Variants in NEU3 observed in about 807,000 individuals in gnomAD.
NEU3 encodes neuraminidase 3, also known as sialidase-3.
NEU3 carries 10 observed loss-of-function variants against 11.4 expected under a neutral mutation model. The ratio of observed to expected loss-of-function variants is 0.88; its 90% CI spans 0.54 to 1.49. NEU3 has a LOEUF of 1.49. Ranked by LOEUF, NEU3 falls within the 40% of genes most tolerant of loss-of-function variation. The pLI is 0.00. For missense variants in NEU3, 529 were observed against 581.8 expected, an observed-to-expected ratio of 0.91 and a Z score of 0.93; for synonymous variants, 212 against 228.2, an observed-to-expected ratio of 0.93 and a Z score of 0.64.
upstream of NEU3, among the ~76,000 whole-genome samples, chr11:74,987,824 A>G (rs1191913711): frequency 1.3e-5 from 2 of 151,802 alleles, no homozygotes; most frequent in East Asian, 1.9e-4. Flanking sequence ...AAAAATAAAA[A>G]TAAAAATAAA....
intron 2 of NEU3, among the ~76,000 whole-genome samples, chr11:75,002,086 T>TGATC (rs1360360252): frequency 3.3e-5 from 5 of 152,226 alleles, no homozygotes; most frequent in African/African-American, 1.2e-4. Context: ...AACAGGGTCT[T>TGATC]GATCTGTCAC....
Position 74,989,089 on chromosome 11 carries a change from C to T in NEU3, c.29C>T (p.Pro10Leu). ...AGACCTGCGGACCTGCCCCCGCGCC[C>T]CATGGAAGAATCCCCGGCGTCCAGC... The part of the protein sequence containing the change: MRPADLPPR[P>L]MEESPASSSA... Residue 10 changes from proline to leucine, a missense_variant, in exon 1 of 3, where the codon CCC becomes CTC. Pro to Leu is a moderately conservative substitution (Grantham distance 98). Transcript: ENST00000294064. 5 of 1,550,974 alleles carry T rather than the reference C, an allele frequency of 3.2e-6. No homozygotes were observed. The highest frequency in any genetic ancestry group is 4.4e-6 in the Non-Finnish European group (5 of 1,146,938).
chr11:75,015,867 C>T (rs1293696523), downstream of NEU3, among the ~76,000 whole-genome samples: 1 of 152,180 alleles, frequency 6.6e-6, no homozygotes, highest in Non-Finnish European at 1.5e-5. Context: ...ACCTGGAATT[C>T]CTACTGATAT....
intron 3 of NEU3, among the ~76,000 whole-genome samples, chr11:75,016,175 C>G (rs936579233): frequency 6.6e-6 from 1 of 152,154 alleles, no homozygotes; most frequent in Non-Finnish European, 1.5e-5. Flanking sequence ...ATATGAGATT[C>G]AAGGGTGAAA....
intron 3 of NEU3, among the ~76,000 whole-genome samples, chr11:75,018,192 G>A (rs1285306037): frequency 6.6e-6 from 1 of 151,934 alleles, no homozygotes; most frequent in East Asian, 1.9e-4. Context: ...CTTATTGAGA[G>A]GATCTAGAAT....
At chr11:74,993,943 T>C (rs1395227514) in intron 1 of NEU3, among the ~76,000 whole-genome samples, 3 of 151,930 alleles carry the variant, frequency 2.0e-5, no homozygotes, top group African/African-American at 7.3e-5. Context: ...AGGCCCCACC[T>C]CTCAACACTG....
At chr11:74,986,728 C>T (rs1447432059), upstream of NEU3, among the ~76,000 whole-genome samples, 5 of 152,144 alleles carry the variant, frequency 3.3e-5, no homozygotes, top group African/African-American at 1.2e-4. Flanking sequence ...CTAATATTTG[C>T]TTTTGTCAGT....
chr11:74,996,464 G>A (rs1291568395), intron 2 of NEU3, among the ~76,000 whole-genome samples: 1 of 152,184 alleles, frequency 6.6e-6, no homozygotes, highest in East Asian at 1.9e-4. Context: ...TCATGAGATT[G>A]CAGCAATTTA....
intron 2 of NEU3, chr11:74,995,041 C>T (rs1254895102): frequency 1.0e-5 from 6 of 577,694 alleles, no homozygotes; most frequent in Admixed American, 3.0e-5. Flanking sequence ...CAAACTCAGT[C>T]GCTGACTCCA....
rs772221260 is a variant in NEU3 at position 75,006,448 on chromosome 11, T to C, written c.1342T>C (p.Cys448Arg). 6.2e-7 allele frequency: 1 copy of C among 1,613,882 alleles called. No individual in the cohort carries two copies. Among genetic ancestry groups the C allele is most frequent in the South Asian group, 1.1e-5 (1 of 91,074 alleles). ...REILSHLQGD[C>R]TSPGRNPSQF... Reference sequence around the variant, plus strand: ...GATCCTGAGTCACCTGCAGGGGGACTGCACCAGCCCTGGTAGGAACCCAAG... The same window carrying C: ...GATCCTGAGTCACCTGCAGGGGGACCGCACCAGCCCTGGTAGGAACCCAAG... Residue 448 changes from cysteine (C) to arginine (R), a missense_variant, in exon 3 of 3, where the codon TGC becomes CGC. By Grantham distance (180) the Cys-to-Arg change is radical (BLOSUM62 -3). Transcript: ENST00000294064.
upstream of NEU3, among the ~76,000 whole-genome samples, chr11:74,985,465 T>C (rs866989693): frequency 6.6e-6 from 1 of 152,212 alleles, no homozygotes; most frequent in Non-Finnish European, 1.5e-5. Flanking sequence ...TGGTTATTTT[T>C]TAATTTTATT....
In NEU3 at chr11:75,005,951, G is replaced by A. The variant is rs1591761538; in HGVS notation, c.845G>A (p.Arg282Lys). Reference sequence around the variant, plus strand: ...TATTGCAGTGCCCGGACACCAAACAGGTGCCGGGCAGAGGCGCTCAGCACT... The same window carrying A: ...TATTGCAGTGCCCGGACACCAAACAAGTGCCGGGCAGAGGCGCTCAGCACT... ...VLYCSARTPNRCRAEALSTDH... is the reference protein window; with the variant it reads ...VLYCSARTPNKCRAEALSTDH... Residue 282 changes from arginine (R) to lysine (K), a missense_variant, in exon 3 of 3, where the codon AGG becomes AAG. Physicochemically the swap from Arg to Lys is conservative, Grantham distance 26. Transcript: ENST00000294064. 1.2e-6 allele frequency: 2 copies of A among 1,613,810 alleles called. No homozygotes were observed. The highest frequency in any genetic ancestry group is 3.3e-5 in the Admixed American group (2 of 60,026).
At chr11:74,985,407 A>G (rs1267188811), upstream of NEU3, among the ~76,000 whole-genome samples, 1 of 152,164 alleles carries the variant, frequency 6.6e-6, no homozygotes, top group Non-Finnish European at 1.5e-5. Flanking sequence ...CTTCATACAT[A>G]TGTGTCCATT....
chr11:74,999,135 T>C (rs79014242), intron 2 of NEU3, among the ~76,000 whole-genome samples: 364 of 85,986 alleles, frequency 4.2e-3, no homozygotes, highest in African/African-American at 0.011. Flanking sequence ...AACTGTCTGT[T>C]TGTCTGTCTG....
rs1355767273 is a variant in NEU3, at chr11:75,009,042, A to G, written c.*2550A>G. 1 of 152,184 alleles carries G rather than the reference A, an allele frequency of 6.6e-6. No homozygotes were observed. Among genetic ancestry groups the G allele is most frequent in the East Asian group, 1.9e-4 (1 of 5,200 alleles). The allele number at this position is 152,184 out of a possible 1,614,324, so 9.4% of individuals were successfully genotyped here. A position where few individuals can be genotyped will look rare whatever the true frequency, so the allele number is the denominator to read the frequency against. ...AATGACTAGCATCGAAACTCTTTAA[A>G]TGGGGCAGGCCTGTGTTCTTATCTC... On this transcript the variant is annotated 3_prime_UTR_variant, in exon 3 of 3. Transcript: ENST00000294064.
downstream of NEU3, among the ~76,000 whole-genome samples, chr11:75,013,040 T>C (rs548483510): frequency 4.6e-5 from 7 of 152,330 alleles, no homozygotes; most frequent in South Asian, 1.5e-3. Context: ...ATACTAAAGT[T>C]TGATAAACAG....
In NEU3 at chr11:74,994,585, C is replaced by G; in HGVS notation, c.171C>G (p.Tyr57Ter). Residue 57 changes from tyrosine to a stop codon, truncating the protein, a stop_gained, in exon 2 of 3, where the codon TAC becomes TAG. Transcript: ENST00000294064. LOFTEE classifies it high-confidence loss of function. ...AGGAAGATGACAGAGGGATTACCTA[C>G]CGGATCCCAGCCCTGCTCTACATAC... ...FRQEDDRGIT[Y>*]RIPALLYIPP... 6.2e-7 allele frequency: 1 copy of G among 1,613,974 alleles called. No homozygotes were observed. The highest frequency in any genetic ancestry group is 8.5e-7 in the Non-Finnish European group (1 of 1,179,860).
intron 2 of NEU3, among the ~76,000 whole-genome samples, chr11:74,999,825 CTT>C (rs1948825607): frequency 6.6e-6 from 1 of 152,152 alleles, no homozygotes; most frequent in South Asian, 2.1e-4. Context: ...GATAAAATCT[CTT>C]TTTCAGAGAA....
In NEU3 at chr11:74,995,124, A is replaced by G. The variant is rs115022431; in HGVS notation, c.306+404A>G. 4.1e-3 allele frequency: 1,955 copies of G among 479,564 alleles called. 34 individuals carry two copies. Among genetic ancestry groups the G allele is most frequent in the African/African-American group, 0.033 (1,745 of 52,280 alleles). 29.7% of individuals were successfully genotyped at this position (479,564 alleles called of 1,614,324 possible). A position where few individuals can be genotyped will look rare whatever the true frequency, so the allele number is the denominator to read the frequency against. ...CATTTATATTCCATTTAATCCTCAT[A>G]AATCACCCAGGGAAGTAAGCATTGG... On this transcript the variant is annotated intron_variant, in intron 2 of 2. Transcript: ENST00000294064.
Sources: allele counts gnomAD v4.1 joint callset (sites outside exome capture counted in the v4.1 genomes callset), GRCh38; gene constraint gnomAD v4.1.1; transcripts MANE v1.5; gene names NCBI Gene and HGNC (gene_info 2026-07-23, HGNC 2026-07-21).